OSBPL10: variants seen among roughly 807,000 people sequenced by gnomAD.
The protein encoded by OSBPL10 is oxysterol-binding protein-related protein 10.
In OSBPL10, 49 loss-of-function variants were observed where a neutral mutation model predicts 81.7. That is an observed-to-expected ratio of 0.60 (90% CI 0.48 to 0.76). The LOEUF is 0.76. Ranked by LOEUF, OSBPL10 falls within the 30% of genes least tolerant of loss-of-function variation. OSBPL10 has a pLI of 0.00. For missense variants in OSBPL10, 923 were observed against 987.8 expected (o/e 0.93, Z 0.88); for synonymous variants, 419 against 383.6 (o/e 1.09, Z -1.08).
At position 32,070,197 on chromosome 3, in the gene OSBPL10, A is replaced by ATC. The variant is rs560802942; in HGVS notation, n.185+7198_185+7199insGA. The stretch of plus-strand genomic sequence containing the variant: ...TTGATATGGGGGCTACCCACTCCAC[A>ATC]TTACCTTCTTTTCAAGGGCCTGTTT... On this transcript the variant is annotated intron_variant and non_coding_transcript_variant, in intron 1 of 3. Coordinates refer to the OSBPL10 transcript ENST00000479173. Among the ~76,000 whole-genome samples the ATC allele has an allele frequency of 6.5e-4, 99 of 152,212 alleles. 3 individuals are homozygous for ATC. Among genetic ancestry groups the ATC allele is most frequent in the Admixed American group, 6.3e-3 (96 of 15,292 alleles).
rs570376833 is a variant in OSBPL10, at chr3:32,010,884, A to C, written n.298+35607T>G. Among the ~76,000 whole-genome samples, 239 of 152,296 alleles carry C rather than the reference A, an allele frequency of 1.6e-3. 3 individuals carry two copies. Among genetic ancestry groups the C allele is most frequent in the African/African-American group, 5.5e-3 (228 of 41,570 alleles). On this transcript the variant is annotated intron_variant and non_coding_transcript_variant, in intron 2 of 3. Coordinates refer to the OSBPL10 transcript ENST00000479173. ...GAGACCAAACTGCAAGGTGGCAGCG[A>C]GGCTGGAGGAGGGGCGCCCCCCATT...
At position 31,749,515 on chromosome 3, in the gene OSBPL10, T is replaced by G. The variant is rs143774387; in HGVS notation, c.730-1395A>C. Among the ~76,000 whole-genome samples the G allele has an allele frequency of 8.1e-3, 1,239 of 152,282 alleles. 13 individuals carry two copies. The highest frequency in any genetic ancestry group is 0.018 in the African/African-American group (738 of 41,562). ...AATAAGTACTCATTTCTTCTCCAGG[T>G]CTTTGTTTAAAAGTCACCTTTTTAG... On this transcript the variant is annotated intron_variant, in intron 4 of 11. Transcript: ENST00000396556.
At chr3:31,926,106 T>G (rs1351756290) in intron 1 of OSBPL10, among the ~76,000 whole-genome samples, 1 of 152,244 alleles carries the variant, frequency 6.6e-6, no homozygotes, top group African/African-American at 2.4e-5. Context: ...CTAGTACACA[T>G]GTACGTTTCC....
At chr3:32,056,943 C>G (rs779974568) in intron 1 of OSBPL10, among the ~76,000 whole-genome samples, 72 of 152,296 alleles carry the variant, frequency 4.7e-4, no homozygotes, top group Non-Finnish European at 7.6e-4. Context: ...TAAAACCCAT[C>G]CAAACCAAGA....
At chr3:31,866,602 T>G (rs531872723) in intron 3 of OSBPL10, among the ~76,000 whole-genome samples, 1 of 152,148 alleles carries the variant, frequency 6.6e-6, no homozygotes, top group African/African-American at 2.4e-5. Context: ...TTGGGGAGTA[T>G]AGACGCCATG....
intron 2 of OSBPL10, among the ~76,000 whole-genome samples, chr3:32,046,159 C>G (rs1699619825): frequency 6.6e-6 from 1 of 152,226 alleles, no homozygotes; most frequent in East Asian, 1.9e-4. Context: ...GAGGGAGGAT[C>G]AGGAGTTCAA....
At chr3:31,978,719 T>C (rs1214390439) in intron 1 of OSBPL10, among the ~76,000 whole-genome samples, 2 of 152,180 alleles carry the variant, frequency 1.3e-5, no homozygotes. Flanking sequence ...CAGACAGCTA[T>C]AAATTGCAGT....
chr3:31,702,329 A>C (rs747571680), intron 7 of OSBPL10, 30 bp downstream of exon 7: 23 of 1,609,962 alleles, frequency 1.4e-5, no homozygotes, highest in Non-Finnish European at 2.0e-5. Flanking sequence ...CCAACAACTG[A>C]CCACAAATCC....
chr3:31,748,222 G>A (rs1697595871), intron 4 of OSBPL10, 102 bp from the exon 5 acceptor site: 2 of 999,812 alleles, frequency 2.0e-6, no homozygotes, highest in South Asian at 2.9e-5. Context: ...CTAGGTGAGG[G>A]TCAACTCAGC....
intron 1 of OSBPL10, among the ~76,000 whole-genome samples, chr3:31,966,200 C>A (rs976793597): frequency 2.1e-5 from 3 of 145,478 alleles, no homozygotes; most frequent in Non-Finnish European, 4.5e-5. Context: ...TGTGTATTCA[C>A]ACTTCTAAAT....
In OSBPL10 at chr3:31,866,622, G is replaced by T. The variant is rs1411715971; in HGVS notation, c.537+9811C>A. Among the ~76,000 whole-genome samples the T allele has an allele frequency of 4.6e-5, 7 of 152,286 alleles. No individual in the cohort carries two copies. In the East Asian group the frequency reaches 1.2e-3, roughly 25 times the overall value. On this transcript the variant is annotated intron_variant, in intron 3 of 11. Transcript: ENST00000396556. Reference sequence around the variant, plus strand: ...GAGTATAGACGCCATGACAAAGGCGGGGGAGGAGAGTTAGGGTATATCACT... The same window carrying T: ...GAGTATAGACGCCATGACAAAGGCGTGGGAGGAGAGTTAGGGTATATCACT...
At position 31,683,948 on chromosome 3, in the gene OSBPL10, T is replaced by C; in HGVS notation, c.1412A>G (p.Lys471Arg). The C allele has an allele frequency of 6.2e-7, 1 of 1,614,248 alleles. No individual in the cohort carries two copies. The highest frequency in any genetic ancestry group is 8.5e-7 in the Non-Finnish European group (1 of 1,180,052). The change falls in exon 8 of 12, where the codon AAG (lysine) becomes AGG (arginine). Residue 471 changes from lysine (K) to arginine (R), a missense_variant. Transcript: ENST00000396556. ...YYLTAFHEGR[K>R]GALAKKPYNP... ...GTAGGGCTTCTTGGCTAAAGCGCCCTTGCGGCCCTCGTGAAAGGCTGTGAG... is the reference window on the plus strand; with the variant it reads ...GTAGGGCTTCTTGGCTAAAGCGCCCCTGCGGCCCTCGTGAAAGGCTGTGAG...
intron 1 of OSBPL10, among the ~76,000 whole-genome samples, chr3:31,927,254 T>C (rs1157383456): frequency 4.6e-5 from 7 of 152,220 alleles, no homozygotes; most frequent in African/African-American, 1.4e-4. Context: ...TCAATTACCA[T>C]GAAAAACAAG....
At chr3:31,708,821 T>C in intron 6 of OSBPL10, 1 of 985,448 alleles carries the variant, frequency 1.0e-6, no homozygotes, top group Non-Finnish European at 1.2e-6. Flanking sequence ...GTAGAGGGTA[T>C]CTCAGCTGAA....
At chr3:31,743,386 T>A (rs1246229868) in intron 5 of OSBPL10, among the ~76,000 whole-genome samples, 1 of 152,200 alleles carries the variant, frequency 6.6e-6, no homozygotes, top group African/African-American at 2.4e-5. Flanking sequence ...AAATGGAAGT[T>A]AAGTAAAGTA....
chr3:31,674,464 A>C (rs1224973712), intron 8 of OSBPL10, among the ~76,000 whole-genome samples: 3 of 152,002 alleles, frequency 2.0e-5, no homozygotes, highest in African/African-American at 4.8e-5. Flanking sequence ...GGAGGTTAAG[A>C]TAGGAGGATC....
At chr3:31,824,745 C>G (rs1700061451) in intron 4 of OSBPL10, among the ~76,000 whole-genome samples, 1 of 152,114 alleles carries the variant, frequency 6.6e-6, no homozygotes, top group Admixed American at 6.5e-5. Context: ...TGCCATCTGT[C>G]TGCGCTTCTC....
chr3:31,943,437 T>C (rs61647468), intron 1 of OSBPL10, among the ~76,000 whole-genome samples: 2,072 of 152,284 alleles, frequency 0.014, 52 homozygotes, highest in African/African-American at 0.048. Flanking sequence ...TTCAATAGTT[T>C]TAAAAAAAAC....
rs546881968 is a variant in OSBPL10, at chr3:32,054,256, A to T, written n.186-7653T>A. Among the ~76,000 whole-genome samples the T allele has an allele frequency of 3.3e-5, 5 of 152,256 alleles. No homozygotes were observed. In the South Asian group the frequency reaches 1.0e-3, roughly 32 times the overall value. ...TCTAAATTATGTCTTTTTCTGATCTAATTAATCTTTTAGATATTAGGTCCC... is the reference window on the plus strand; with the variant it reads ...TCTAAATTATGTCTTTTTCTGATCTTATTAATCTTTTAGATATTAGGTCCC... On this transcript the variant is annotated intron_variant and non_coding_transcript_variant, in intron 1 of 3. Coordinates refer to the OSBPL10 transcript ENST00000479173.
Sources: gnomAD v4.1 joint callset for allele counts (sites outside exome capture counted in the v4.1 genomes callset) on GRCh38, gnomAD v4.1.1 for gene constraint, MANE v1.5 for transcripts, NCBI Gene and HGNC (gene_info 2026-07-23, HGNC 2026-07-21) for gene names.